GFRA1: variants seen among roughly 807,000 people sequenced by gnomAD.
GFRA1 encodes GDNF family receptor alpha 1.
Under a neutral mutation model 51.6 loss-of-function variants are expected in GFRA1, and 16 were observed. That is an observed-to-expected ratio of 0.31 (90% CI 0.21 to 0.47). GFRA1 has a LOEUF of 0.47. Among genes scored for constraint, GFRA1 ranks in the 20% least tolerant of loss-of-function variants. GFRA1 has a pLI of 1.00. For synonymous variants in GFRA1, 270 were observed against 241.3 expected, an observed-to-expected ratio of 1.12 and a Z score of -1.10; for missense variants, 530 against 594.3, an observed-to-expected ratio of 0.89 and a Z score of 1.13.
chr10:116,220,004 A>G (rs1965815544), intron 4 of GFRA1, among the ~76,000 whole-genome samples: 2 of 152,176 alleles, frequency 1.3e-5, no homozygotes, highest in Admixed American at 6.6e-5. Flanking sequence ...CCAGTTCTAA[A>G]GCACGATGTT....
chr10:116,249,704 C>T (rs7085833), intron 4 of GFRA1, among the ~76,000 whole-genome samples: 41,515 of 151,788 alleles, frequency 0.27, 5,743 homozygotes, highest in African/African-American at 0.35. Context: ...ACTTACTATG[C>T]ATTTGTTCAC....
intron 9 of GFRA1, among the ~76,000 whole-genome samples, chr10:116,086,699 C>T (rs1468932707): frequency 6.6e-6 from 1 of 152,234 alleles, no homozygotes; most frequent in African/African-American, 2.4e-5. Context: ...GTGCATATCA[C>T]AGGGAAGAGA....
At chr10:116,143,546 A>G (rs1958664421) in intron 5 of GFRA1, among the ~76,000 whole-genome samples, 1 of 152,146 alleles carries the variant, frequency 6.6e-6, no homozygotes, top group African/African-American at 2.4e-5. Context: ...CTTTGCTCTG[A>G]GCCGATGACA....
intron 4 of GFRA1, among the ~76,000 whole-genome samples, chr10:116,225,532 TCCA>T (rs1966223553): frequency 3.5e-5 from 1 of 28,752 alleles, no homozygotes. Flanking sequence ...AGAGTCTGTC[TCCA>T]AAAAAAAAAA....
At position 116,258,413 on chromosome 10, in the gene GFRA1, T is replaced by TAATC. The variant is rs386372550; in HGVS notation, c.418+11089_418+11090insGATT. 3.5e-4 allele frequency among the ~76,000 whole-genome samples: 51 copies of TAATC among 146,118 alleles called. 1 individual carries two copies. The highest frequency in any genetic ancestry group is 6.0e-4 in the Non-Finnish European group (40 of 66,612). ...ATTAATAAAATAAAATATATTATAT[T>TAATC]AATAAAATAAATATAAAATTAATAA... is the stretch of plus-strand genomic sequence containing the variant. On this transcript the variant is annotated intron_variant, in intron 4 of 10. Transcript: ENST00000355422.
At chr10:116,142,089 T>C (rs920696236) in intron 5 of GFRA1, among the ~76,000 whole-genome samples, 27 of 151,980 alleles carry the variant, frequency 1.8e-4, no homozygotes, top group African/African-American at 6.5e-4. Flanking sequence ...AGCTTTCCAT[T>C]AGTACGAATG....
chr10:116,064,189 T>G lies in GFRA1; in HGVS notation c.*209A>C. 1 of 562,992 alleles carries G rather than the reference T, an allele frequency of 1.8e-6. No individual in the cohort carries two copies. Among genetic ancestry groups the G allele is most frequent in the Admixed American group, 3.0e-5 (1 of 32,884 alleles). The allele number at this position is 562,992 out of a possible 1,614,324, so 34.9% of individuals were successfully genotyped here. ...CAGCATATCCCAAAGCCTTCTGAGTTTGGATGGAGCACTGCATCAGGTTTT... is the reference window on the plus strand; with the variant it reads ...CAGCATATCCCAAAGCCTTCTGAGTGTGGATGGAGCACTGCATCAGGTTTT... On this transcript the variant is annotated 3_prime_UTR_variant, in exon 11 of 11. Transcript: ENST00000355422.
chr10:116,228,306 TA>T (rs1650846507), intron 4 of GFRA1, among the ~76,000 whole-genome samples: 1 of 152,198 alleles, frequency 6.6e-6, no homozygotes, highest in Non-Finnish European at 1.5e-5. Context: ...TAAGGAAGTT[TA>T]AAGGTGTCTT....
intron 6 of GFRA1, among the ~76,000 whole-genome samples, chr10:116,120,852 GC>G (rs1957612920): frequency 6.6e-6 from 1 of 152,178 alleles, no homozygotes. Flanking sequence ...GAAGGGCAAG[GC>G]CACTAAACCA....
At chr10:116,165,438 C>G (rs900706716) in intron 5 of GFRA1, among the ~76,000 whole-genome samples, 1 of 152,200 alleles carries the variant, frequency 6.6e-6, no homozygotes, top group Non-Finnish European at 1.5e-5. Flanking sequence ...AAACTTACTT[C>G]CTGCTCTCTC....
intron 9 of GFRA1, among the ~76,000 whole-genome samples, chr10:116,084,624 A>G (rs960535775): frequency 1.3e-5 from 2 of 152,184 alleles, no homozygotes; most frequent in Non-Finnish European, 2.9e-5. Flanking sequence ...TTGTTACTCT[A>G]TTTGACCACA....
intron 4 of GFRA1, among the ~76,000 whole-genome samples, chr10:116,261,914 G>C (rs547220493): frequency 6.6e-6 from 1 of 152,260 alleles, no homozygotes; most frequent in East Asian, 1.9e-4. Flanking sequence ...AGGTCACCCA[G>C]CTAGTTACGG....
At chr10:116,231,500 G>C (rs1159289403) in intron 4 of GFRA1, among the ~76,000 whole-genome samples, 1 of 152,256 alleles carries the variant, frequency 6.6e-6, no homozygotes, top group Non-Finnish European at 1.5e-5. Flanking sequence ...ATCTCATTTT[G>C]AATTCAAATT....
intron 9 of GFRA1, among the ~76,000 whole-genome samples, chr10:116,081,029 C>T (rs1955827343): frequency 6.6e-6 from 1 of 152,226 alleles, no homozygotes; most frequent in Non-Finnish European, 1.5e-5. Context: ...TTGCCCTAGG[C>T]ATCTCTTTGT....
In GFRA1 at chr10:116,272,207, G is replaced by T. The variant is rs1844014531; in HGVS notation, c.-178C>A. The T allele has an allele frequency of 4.6e-6, 3 of 654,216 alleles. No individual in the cohort carries two copies. The highest frequency in any genetic ancestry group is 1.8e-5 in the African/African-American group (1 of 55,106). The allele number at this position is 654,216 out of a possible 1,614,324, so 40.5% of individuals were successfully genotyped here. ...GGGTCTGGCAGCAGCCACCGCCGCC[G>T]GCGACTCAGCTCCGGGATGGCGAGG... On this transcript the variant is annotated 5_prime_UTR_variant, in exon 2 of 11. Transcript: ENST00000355422. The surrounding 1 kb of genome is among the most constrained non-coding windows in gnomAD (Gnocchi z 4.4).
chr10:116,193,318 C>T (rs941800870), intron 5 of GFRA1, among the ~76,000 whole-genome samples: 4 of 152,110 alleles, frequency 2.6e-5, no homozygotes, highest in East Asian at 1.9e-4. Flanking sequence ...AAACAGAAAG[C>T]GTTTTTAAGA....
At chr10:116,232,502 CAAA>C (rs59449613) in intron 4 of GFRA1, among the ~76,000 whole-genome samples, 64,173 of 148,552 alleles carry the variant, frequency 0.43, 15,188 homozygotes, top group Non-Finnish European at 0.54. Context: ...TTTCCTCATA[CAAA>C]AAAAAAAAAA....
chr10:116,081,703 T>A (rs1565560175), intron 9 of GFRA1, among the ~76,000 whole-genome samples: 2 of 152,178 alleles, frequency 1.3e-5, no homozygotes, highest in Non-Finnish European at 1.5e-5. Context: ...TGACCTAAGT[T>A]ATCAAAGCAA....
intron 9 of GFRA1, among the ~76,000 whole-genome samples, chr10:116,087,284 CAG>C (rs1956141539): frequency 6.6e-6 from 1 of 151,152 alleles, no homozygotes; most frequent in African/African-American, 2.4e-5. Flanking sequence ...GGCGGAGGGA[CAG>C]GGGGCGGTGT....
Sources: gnomAD v4.1 joint callset for allele counts (sites outside exome capture counted in the v4.1 genomes callset) on GRCh38, gnomAD v4.1.1 for gene constraint, Gnocchi (gnomAD v3.1) non-coding constraint, MANE v1.5 for transcripts, NCBI Gene and HGNC (gene_info 2026-07-23, HGNC 2026-07-21) for gene names.